PODNL1: variants seen among roughly 807,000 people sequenced by gnomAD.
The protein encoded by PODNL1 is podocan like 1.
In PODNL1, 50 loss-of-function variants were observed where a neutral mutation model predicts 45.1. The ratio of observed to expected loss-of-function variants is 1.11; its 90% CI spans 0.88 to 1.40. The LOEUF is 1.40. Among genes scored for constraint, PODNL1 ranks in the 40% most tolerant of loss-of-function variants. PODNL1 has a pLI of 0.00. For missense variants in PODNL1, 788 were observed against 793.3 expected (o/e 0.99, Z 0.08); for synonymous variants, 406 against 372.5 (o/e 1.09, Z -1.04).
upstream of PODNL1, among the ~76,000 whole-genome samples, chr19:13,941,211 C>A (rs1972646019): frequency 6.6e-6 from 1 of 151,214 alleles, no homozygotes; most frequent in Non-Finnish European, 1.5e-5. Flanking sequence ...ACTAAAAATA[C>A]AAAAATTTCC....
In PODNL1 at chr19:13,933,075, G is replaced by T. The variant is rs1477932646; in HGVS notation, c.1148C>A (p.Ala383Asp). Residue 383 changes from alanine to aspartate, a missense_variant, in exon 8 of 10, where the codon GCC (alanine) becomes GAC (aspartate). This residue lies in a region of PODNL1 where 762 missense variants were observed against 750.9 expected (regional missense o/e 1.01). Coordinates refer to ENST00000588872, the MANE Select transcript of PODNL1 (RefSeq NM_001370095.3). The surrounding 1 kb of genome is among the most constrained non-coding windows in gnomAD (Gnocchi z 5.2). Reference sequence around the variant, plus strand: ...ACGGGCGCTGGCCAGGCGGTTATAGGCCAGGTTAAGCTCCGTCAGGCCCGG... The same window carrying T: ...ACGGGCGCTGGCCAGGCGGTTATAGTCCAGGTTAAGCTCCGTCAGGCCCGG... The part of the protein sequence containing the change: ...ATPGLTELNL[A>D]YNRLASARVH... 1.2e-5 allele frequency: 18 copies of T among 1,533,366 alleles called. No individual in the cohort carries two copies. In the Admixed American group the frequency reaches 1.4e-4, roughly 12 times the overall value. 95.0% of individuals were successfully genotyped at this position (1,533,366 alleles called of 1,614,324 possible).
chr19:13,933,031 G>A lies in PODNL1; in HGVS notation c.1192C>T (p.Arg398Cys), dbSNP rs368763966. 2.9e-5 allele frequency: 44 copies of A among 1,537,926 alleles called. No individual in the cohort carries two copies. Among genetic ancestry groups the A allele is most frequent in the Middle Eastern group, 3.4e-4 (2 of 5,960 alleles). The stretch of plus-strand genomic sequence containing the variant: ...AGGCTGCGCAGGGCACGCAACCGGC[G>A]GAAGGCCCGGTGGTGCACACGGGCG... The part of the protein sequence containing the change: ...ASARVHHRAF[R>C]RLRALRSLDL... The change falls in exon 8 of 10, where the codon CGC becomes TGC. Residue 398 changes from arginine to cysteine, a missense_variant. Physicochemically the swap from Arg to Cys is radical, Grantham distance 180 (BLOSUM62 -3). This residue lies in a region of PODNL1 where 762 missense variants were observed against 750.9 expected (regional missense o/e 1.01). Transcript: ENST00000588872. The surrounding 1 kb of genome is among the most constrained non-coding windows in gnomAD (Gnocchi z 5.2).
At chr19:13,938,081 C>T (rs1002204775) in intron 1 of PODNL1, 75 bp from the exon 2 acceptor site, 21 of 1,449,418 alleles carry the variant, frequency 1.4e-5, no homozygotes, top group Non-Finnish European at 1.8e-5. Flanking sequence ...ATCCCCTCCT[C>T]GGGGAGGGTC....
At position 13,933,235 on chromosome 19, in the gene PODNL1, G is replaced by A. The variant is rs755008910; in HGVS notation, c.988C>T (p.Arg330Trp). 17 of 1,541,894 alleles carry A rather than the reference G, an allele frequency of 1.1e-5. No homozygotes were observed. The highest frequency in any genetic ancestry group is 3.3e-4 in the Middle Eastern group (2 of 5,994). The change falls in exon 8 of 10, where the codon CGG (arginine) becomes TGG (tryptophan). Residue 330 changes from arginine to tryptophan, a missense_variant. Transcript: ENST00000588872. This position sits in a 1 kb window ranked among gnomAD's most constrained non-coding sequence, Gnocchi z 5.2. ...TAGAGGTGCAGCGTGTGCAGGCCCC[G>A]CAGCGGCCGCAGAGCCCCGGCGGGC... Reference protein sequence around the residue: ...GLPAGALRPLRGLHTLHLYGN... With the variant: ...GLPAGALRPLWGLHTLHLYGN...
chr19:13,943,122 C>T (rs111865818), upstream of PODNL1, among the ~76,000 whole-genome samples: 2 of 151,196 alleles, frequency 1.3e-5, no homozygotes, highest in South Asian at 2.1e-4. Flanking sequence ...CATGGATAAA[C>T]CCCGTCTCTA....
upstream of PODNL1, among the ~76,000 whole-genome samples, chr19:13,940,603 C>T (rs1972627016): frequency 7.0e-6 from 1 of 142,782 alleles, no homozygotes; most frequent in Admixed American, 7.2e-5. Flanking sequence ...TTAGCGGGGG[C>T]CAGGCGCGGT....
At chr19:13,934,148 C>T (rs1599427967) in intron 6 of PODNL1, 106 bp downstream of exon 6, 1 of 1,382,702 alleles carries the variant, frequency 7.2e-7, no homozygotes, top group East Asian at 2.4e-5. Context: ...TGACCACTGG[C>T]ATTCTGAGGG....
chr19:13,932,194 G>A (rs1971993504), intron 8 of PODNL1, 82 bp from the exon 9 acceptor site: 1 of 1,234,614 alleles, frequency 8.1e-7, no homozygotes, highest in East Asian at 3.1e-5. Context: ...CTCTCTGAGA[G>A]TCCCCTGCCC....
Position 13,931,225 on chromosome 19 carries a change from G to C in PODNL1, c.*512C>G, listed in dbSNP as rs1427628210. On this transcript the variant is annotated 3_prime_UTR_variant, in exon 10 of 10. Transcript: ENST00000588872. ...TTCATTCCCATGCTTGCTGTGGGGG[G>C]GGATACATGTGAGGGTCCCTATATC... The C allele has an allele frequency of 6.5e-6, 1 of 153,228 alleles. No homozygotes were observed. The allele number at this position is 153,228 out of a possible 1,614,324, so 9.5% of individuals were successfully genotyped here.
intron 1 of PODNL1, among the ~76,000 whole-genome samples, chr19:13,952,212 G>A (rs1043665749): frequency 1.3e-5 from 2 of 152,262 alleles, no homozygotes; most frequent in African/African-American, 2.4e-5. Context: ...CACAGGGGGC[G>A]TGACGCCGTT....
In PODNL1 at chr19:13,948,195, TTTCTTTTC is replaced by T. The variant is rs558203131; in HGVS notation, c.18+4916_18+4923del. Among the ~76,000 whole-genome samples, 554 of 141,410 alleles carry T rather than the reference TTTCTTTTC, an allele frequency of 3.9e-3. 6 individuals are homozygous for T. The highest frequency in any genetic ancestry group is 0.017 in the African/African-American group (534 of 32,286). 92.8% of individuals were successfully genotyped at this position (141,410 alleles called of 152,430 possible). A position where few individuals can be genotyped will look rare whatever the true frequency, so the allele number is the denominator to read the frequency against. ...GCCAATATTCTCCATTTTCTTTTCT[TTTCTTTTC>T]TTTTTTTTTTTTTGAGACGGAGTCT... On this transcript the variant is annotated intron_variant, in intron 1 of 7. Transcript: ENST00000538371.
At chr19:13,950,457 A>G (rs1972961016) in intron 1 of PODNL1, among the ~76,000 whole-genome samples, 2 of 152,156 alleles carry the variant, frequency 1.3e-5, no homozygotes, top group Admixed American at 6.6e-5. Context: ...GGCATGAGCC[A>G]CCGCACCTGG....
At chr19:13,932,744 G>T (rs1202310703) in intron 8 of PODNL1, 54 bp downstream of exon 8, 2 of 1,612,116 alleles carry the variant, frequency 1.2e-6, no homozygotes, top group Non-Finnish European at 1.7e-6. Context: ...GGCAGGGCAG[G>T]CAGGGGGATG....
chr19:13,942,590 C>G (rs760723806), upstream of PODNL1, among the ~76,000 whole-genome samples: 1 of 152,168 alleles, frequency 6.6e-6, no homozygotes, highest in Non-Finnish European at 1.5e-5. Context: ...CAGCAGGGGC[C>G]TCTGCAGGGA....
Position 13,931,593 on chromosome 19 carries a change from G to T in PODNL1, c.*144C>A. 1.1e-6 allele frequency: 1 copy of T among 893,118 alleles called. No individual in the cohort carries two copies. The highest frequency in any genetic ancestry group is 1.5e-6 in the Non-Finnish European group (1 of 679,578). 55.3% of individuals were successfully genotyped at this position (893,118 alleles called of 1,614,324 possible). A position where few individuals can be genotyped will look rare whatever the true frequency, so the allele number is the denominator to read the frequency against. On this transcript the variant is annotated 3_prime_UTR_variant, in exon 10 of 10. Coordinates refer to ENST00000588872, the MANE Select transcript of PODNL1 (RefSeq NM_001370095.3). ...GAGTATGCCAGCTGTGTGCCTCTGT[G>T]TCTCGGCCAGTGGCAGGCAGAGCAG... is the stretch of plus-strand genomic sequence containing the variant.
chr19:13,952,527 G>A, intron 1 of PODNL1: 1 of 1,250,992 alleles, frequency 8.0e-7, no homozygotes, highest in Non-Finnish European at 1.0e-6. Context: ...CGCCCAGCTC[G>A]AAATCGGAGC....
At chr19:13,934,228 C>T (rs772956394) in intron 6 of PODNL1, 26 bp downstream of exon 6, 29 of 1,490,738 alleles carry the variant, frequency 1.9e-5, no homozygotes, top group African/African-American at 7.0e-5. Context: ...GAGTCTGGCC[C>T]GGGGTGGGAC....
chr19:13,934,454 C>T, intron 5 of PODNL1, 44 bp from the exon 6 acceptor site: 1 of 1,460,078 alleles, frequency 6.8e-7, no homozygotes, highest in Non-Finnish European at 9.0e-7. Flanking sequence ...CCCTCGCCTC[C>T]TACCACCCCA....
intron 1 of PODNL1, among the ~76,000 whole-genome samples, chr19:13,952,322 C>T (rs1973079803): frequency 1.3e-5 from 2 of 152,188 alleles, no homozygotes. Flanking sequence ...GGCGGGAATA[C>T]GGCAACGGGC....
Sources: allele counts gnomAD v4.1 joint callset (sites outside exome capture counted in the v4.1 genomes callset), GRCh38; gene constraint gnomAD v4.1.1; regional missense constraint gnomAD v4.1.1; non-coding constraint Gnocchi (gnomAD v3.1); transcripts MANE v1.5; gene names NCBI Gene and HGNC (gene_info 2026-07-23, HGNC 2026-07-21).